Variants in SPTBN2 observed in about 807,000 individuals in gnomAD.
SPTBN2 encodes the protein spectrin beta chain, non-erythrocytic 2.
SPTBN2 carries 107 observed loss-of-function variants against 284.2 expected under a neutral mutation model. The observed-to-expected ratio is 0.38, with a 90% confidence interval of 0.32 to 0.44. SPTBN2 has a LOEUF of 0.44. Among genes scored for constraint, SPTBN2 ranks in the 20% least tolerant of loss-of-function variants. The pLI is 1.00. For missense variants in SPTBN2, 2,569 were observed against 3,287.1 expected (o/e 0.78, Z 5.34); for synonymous variants, 1,289 against 1,354.8 (o/e 0.95, Z 1.07).
At position 66,727,560 on chromosome 11, in the gene SPTBN2, C is replaced by T. The variant is rs111645284; in HGVS notation, c.-114+1181G>A. ...CCGCACAGCCCTATCAGCTTCCTGG[C>T]CACAGAAACGCCGCACGCGGCCGCT... is the stretch of plus-strand genomic sequence containing the variant. On this transcript the variant is annotated intron_variant, in intron 1 of 37. Transcript: ENST00000533211. 2.6e-4 allele frequency among the ~76,000 whole-genome samples: 39 copies of T among 152,348 alleles called. 1 individual carries two copies. The highest frequency in any genetic ancestry group is 1.8e-3 in the Admixed American group (27 of 15,310).
chr11:66,692,199 T>C (rs1325644000), intron 26 of SPTBN2, among the ~76,000 whole-genome samples: 2 of 151,976 alleles, frequency 1.3e-5, no homozygotes, highest in Non-Finnish European at 2.9e-5. Flanking sequence ...GCCTCCTAAG[T>C]AGTTGGGCCT....
upstream of SPTBN2, among the ~76,000 whole-genome samples, chr11:66,730,320 A>G (rs1590996274): frequency 6.6e-6 from 1 of 151,568 alleles, no homozygotes; most frequent in African/African-American, 2.4e-5. Context: ...GCAGTGGCTC[A>G]CCCTTGTAAT....
At chr11:66,738,215 CA>C (rs1942869162) in intron 1 of SPTBN2, among the ~76,000 whole-genome samples, 1 of 149,880 alleles carries the variant, frequency 6.7e-6, no homozygotes, top group South Asian at 2.1e-4. Flanking sequence ...AACTCGGTCT[CA>C]AAAAAACAAA....
rs1467640503 is a variant in SPTBN2, at chr11:66,692,573, G to A, written c.5153C>T (p.Ala1718Val). 6.2e-7 allele frequency: 1 copy of A among 1,605,774 alleles called. No individual in the cohort carries two copies. Among genetic ancestry groups the A allele is most frequent in the East Asian group, 2.2e-5 (1 of 44,830 alleles). ...GTAGTCCTGGCCCAGCTCGTGGGAG[G>A]CCGCCACCACCTCGCGCTCCTGGAT... Reference protein sequence around the residue: ...QWIQEREVVAASHELGQDYEH... With the variant: ...QWIQEREVVAVSHELGQDYEH... Residue 1718 changes from alanine to valine, a missense_variant, in exon 26 of 38, where the codon GCC becomes GTC. Ala to Val is a moderately conservative substitution (Grantham distance 64, BLOSUM62 0). Around this residue, in one of 6 missense-constraint regions of SPTBN2, gnomAD observed 1,130 missense variants for 1,317.3 expected, o/e 0.86. Transcript: ENST00000533211.
chr11:66,715,492 C>T lies in SPTBN2; in HGVS notation c.310-97G>A. On this transcript the variant is annotated intron_variant, in intron 4 of 37. Coordinates refer to ENST00000533211, the MANE Select transcript of SPTBN2 (RefSeq NM_006946.4). This position sits in a 1 kb window ranked among gnomAD's most constrained non-coding sequence, Gnocchi z 5.3. ...CAGCTTTGCACACCTTCCCCATGAC[C>T]TACCTCAGGAACACAGACAGGCACA... is the stretch of plus-strand genomic sequence containing the variant. 6.8e-7 allele frequency: 1 copy of T among 1,471,516 alleles called. No homozygotes were observed. Among genetic ancestry groups the T allele is most frequent in the African/African-American group, 1.4e-5 (1 of 71,566 alleles). 91.2% of individuals were successfully genotyped at this position (1,471,516 alleles called of 1,614,324 possible).
intron 1 of SPTBN2, among the ~76,000 whole-genome samples, chr11:66,725,482 T>A (rs1292373314): frequency 6.6e-6 from 1 of 152,218 alleles, no homozygotes; most frequent in Non-Finnish European, 1.5e-5. Flanking sequence ...TCCTCACCTA[T>A]GACCAGGGTC....
Position 66,693,544 on chromosome 11 carries a change from G to A in SPTBN2, c.4594-98C>T. The A allele has an allele frequency of 6.5e-7, 1 of 1,527,556 alleles. No homozygotes were observed. Among genetic ancestry groups the A allele is most frequent in the South Asian group, 1.2e-5 (1 of 83,660 alleles). 94.6% of individuals were successfully genotyped at this position (1,527,556 alleles called of 1,614,324 possible). ...CACCCCTGTGCCTCTCTCCTTCCTG[G>A]GTCCTCTGCTCCCTCTCCTAGCCTG... On this transcript the variant is annotated intron_variant, in intron 23 of 37. Transcript: ENST00000533211. The surrounding 1 kb of genome is among the most constrained non-coding windows in gnomAD (Gnocchi z 5.7).
In SPTBN2 at chr11:66,687,088, C is replaced by T. The variant is rs750623875; in HGVS notation, c.6802G>A (p.Val2268Met). 5.2e-5 allele frequency: 84 copies of T among 1,614,048 alleles called. 1 individual carries two copies. The Middle Eastern group carries it at 5.6e-3, about 107-fold the overall frequency. The change falls in exon 36 of 38, where the codon GTG (valine) becomes ATG (methionine). Residue 2268 changes from valine (V) to methionine (M), a missense_variant. Around this residue, in one of 6 missense-constraint regions of SPTBN2, gnomAD observed 1,130 missense variants for 1,317.3 expected, o/e 0.86. Transcript: ENST00000533211. The surrounding 1 kb of genome is among the most constrained non-coding windows in gnomAD (Gnocchi z 5.2). The part of the protein sequence containing the change: ...YKDAKAASAG[V>M]PYHGEVPVSL... Reference sequence around the variant, plus strand: ...ACAGGCACTTCTCCGTGGTATGGCACTCCCGCGCTGGCTGCCTTGGCATCC... The same window carrying T: ...ACAGGCACTTCTCCGTGGTATGGCATTCCCGCGCTGGCTGCCTTGGCATCC...
At position 66,692,575 on chromosome 11, in the gene SPTBN2, C is replaced by T. The variant is rs750383616; in HGVS notation, c.5151G>A (p.Ala1717=). ...EQWIQEREVV[A]ASHELGQDYE... is the part of the protein sequence containing the mutation. ...AGTCCTGGCCCAGCTCGTGGGAGGC[C>T]GCCACCACCTCGCGCTCCTGGATCC... is the stretch of plus-strand genomic sequence containing the variant. The change falls in exon 26 of 38, where the codon GCG becomes GCA. Residue 1717 remains alanine (A), a synonymous_variant. Coordinates refer to ENST00000533211, the MANE Select transcript of SPTBN2 (RefSeq NM_006946.4). 1.4e-5 allele frequency: 23 copies of T among 1,606,030 alleles called. No individual in the cohort carries two copies. Among genetic ancestry groups the T allele is most frequent in the East Asian group, 2.2e-5 (1 of 44,846 alleles).
chr11:66,726,926 AGAAG>A (rs1942638858), intron 1 of SPTBN2, among the ~76,000 whole-genome samples: 1 of 152,228 alleles, frequency 6.6e-6, no homozygotes, highest in Non-Finnish European at 1.5e-5. Context: ...GGCCCAGGGC[AGAAG>A]GAAGGAACAG....
At position 66,688,210 on chromosome 11, in the gene SPTBN2, G is replaced by A. The variant is rs1385299558; in HGVS notation, c.6333C>T (p.Asp2111=). Residue 2111 remains aspartate, a synonymous_variant, in exon 32 of 38, where the codon GAC becomes GAT. Transcript: ENST00000533211. ...CAGAAGCTGTCTGGCCGCCCACCAG[G>A]TCCCCTGGAGGCACACTGGCTGTGG... is the stretch of plus-strand genomic sequence containing the variant. ...PEPTASVPPG[D]LVGGQTASDT... is the part of the protein sequence containing the mutation. 6.2e-7 allele frequency: 1 copy of A among 1,613,672 alleles called. No homozygotes were observed. Among genetic ancestry groups the A allele is most frequent in the Non-Finnish European group, 8.5e-7 (1 of 1,180,024 alleles).
chr11:66,711,448 C>T (rs1326899406), intron 8 of SPTBN2, among the ~76,000 whole-genome samples: 5 of 152,194 alleles, frequency 3.3e-5, no homozygotes, highest in African/African-American at 1.2e-4. Context: ...GCCTCCTGAA[C>T]CTAGGATGCT....
At chr11:66,740,945 C>T (rs2135615146) in intron 1 of SPTBN2, among the ~76,000 whole-genome samples, 1 of 152,250 alleles carries the variant, frequency 6.6e-6, no homozygotes, top group East Asian at 1.9e-4. Flanking sequence ...GAAAGCTCAA[C>T]AGTCCCTAAA....
intron 1 of SPTBN2, among the ~76,000 whole-genome samples, chr11:66,735,333 A>G (rs1009734556): frequency 2.0e-5 from 3 of 147,040 alleles, no homozygotes; most frequent in Admixed American, 6.8e-5. Flanking sequence ...ACACCGTCTC[A>G]AAAAAAAAAA....
Position 66,693,542 on chromosome 11 carries a change from T to C in SPTBN2, c.4594-96A>G. ...TTCACCCCTGTGCCTCTCTCCTTCC[T>C]GGGTCCTCTGCTCCCTCTCCTAGCC... On this transcript the variant is annotated intron_variant, in intron 23 of 37. Transcript: ENST00000533211. The surrounding 1 kb of genome is among the most constrained non-coding windows in gnomAD (Gnocchi z 5.7). The C allele has an allele frequency of 6.5e-6, 10 of 1,528,876 alleles. No homozygotes were observed. Among genetic ancestry groups the C allele is most frequent in the Non-Finnish European group, 8.8e-6 (10 of 1,140,386 alleles). The allele number at this position is 1,528,876 out of a possible 1,614,324, so 94.7% of individuals were successfully genotyped here.
chr11:66,690,360 C>T (rs1940460253), intron 27 of SPTBN2, 77 bp from the exon 28 acceptor site: 10 of 1,466,044 alleles, frequency 6.8e-6, no homozygotes, highest in Admixed American at 2.4e-5. Context: ...CTGGCTGCCA[C>T]TCTCACCTCC....
chr11:66,692,886 A>G, intron 25 of SPTBN2, 84 bp downstream of exon 25: 1 of 1,596,446 alleles, frequency 6.3e-7, no homozygotes, highest in Non-Finnish European at 8.5e-7. Flanking sequence ...TGCACACAGC[A>G]CTGAAGGCTC....
chr11:66,731,469 C>T (rs931282034), upstream of SPTBN2, among the ~76,000 whole-genome samples: 1 of 152,204 alleles, frequency 6.6e-6, no homozygotes, highest in African/African-American at 2.4e-5. Context: ...GCTCTGCCCA[C>T]CAAACATACA....
Position 66,690,123 on chromosome 11 carries a change from T to C in SPTBN2, c.5726A>G (p.Lys1909Arg). ...RRQLLLDTTD[K>R]FRFFKAVREL... ...CCGGACAGCCTTGAAGAAGCGGAAC[T>C]TGTCTGTGGTGTCCAGCAGCAGCTG... The change falls in exon 28 of 38, where the codon AAG (lysine) becomes AGG (arginine). Residue 1909 changes from lysine (K) to arginine (R), a missense_variant. By Grantham distance (26) the Lys-to-Arg change is conservative (BLOSUM62 2). This residue lies in a region of SPTBN2 where 1,130 missense variants were observed against 1,317.3 expected (regional missense o/e 0.86). Transcript: ENST00000533211. The C allele has an allele frequency of 6.2e-7, 1 of 1,614,222 alleles. No individual in the cohort carries two copies. The highest frequency in any genetic ancestry group is 2.2e-5 in the East Asian group (1 of 44,886).
Sources: allele counts gnomAD v4.1 joint callset (sites outside exome capture counted in the v4.1 genomes callset), GRCh38; gene constraint gnomAD v4.1.1; regional missense constraint gnomAD v4.1.1; non-coding constraint Gnocchi (gnomAD v3.1); transcripts MANE v1.5; gene names NCBI Gene and HGNC (gene_info 2026-07-23, HGNC 2026-07-21).